The following SPAG17 variants were observed in gnomAD, a reference collection of about 807,000 sequenced individuals.
SPAG17 encodes the protein sperm associated antigen 17, also known as sperm-associated antigen 17.
Under a neutral mutation model 273.6 loss-of-function variants are expected in SPAG17, and 169 were observed. The observed-to-expected ratio is 0.62, with a 90% CI of 0.55 to 0.70. SPAG17 has a LOEUF of 0.70. Among genes scored for constraint, SPAG17 ranks in the 30% least tolerant of loss-of-function variants. The pLI is 0.00. For synonymous variants in SPAG17, 825 were observed against 873.2 expected, an observed-to-expected ratio of 0.94 and a Z score of 0.97; for missense variants, 2,557 against 2,627.8, an observed-to-expected ratio of 0.97 and a Z score of 0.59.
chr1:118,092,352 G>A (rs963413214), intron 8 of SPAG17, among the ~76,000 whole-genome samples: 1 of 152,058 alleles, frequency 6.6e-6, no homozygotes. Flanking sequence ...GTTCTCCATT[G>A]CCTACATGAT....
rs1262297381 is a variant in SPAG17, at chr1:118,133,914, C to G, written c.315+16629G>C. 2.6e-5 allele frequency among the ~76,000 whole-genome samples: 4 copies of G among 152,304 alleles called. No homozygotes were observed. The East Asian group carries it at 7.7e-4, about 29-fold the overall frequency. On this transcript the variant is annotated intron_variant, in intron 3 of 48. Coordinates refer to ENST00000336338, the MANE Select transcript of SPAG17 (RefSeq NM_206996.4). ...AAAACAAAATTACACCATCATTTCA[C>G]TTTAAAGAATTCCATACTCACAAAA...
At chr1:118,032,276 A>C (rs1648564687) in intron 24 of SPAG17, among the ~76,000 whole-genome samples, 1 of 152,230 alleles carries the variant, frequency 6.6e-6, no homozygotes, top group Non-Finnish European at 1.5e-5. Context: ...AATAGTCTAA[A>C]TAAGATCTGT....
Position 118,055,844 on chromosome 1 carries a change from A to G in SPAG17, c.2611T>C (p.Ser871Pro). Residue 871 changes from serine (S) to proline (P), a missense_variant, in exon 19 of 49, where the codon TCT becomes CCT. Physicochemically the swap from Ser to Pro is moderately conservative, Grantham distance 74. Transcript: ENST00000336338. ...CTGATGATTTTCTCATTCATTTTAG[A>G]TTCCTGATATATAGCTTCTTCTTTT... The part of the protein sequence containing the change: ...ITKEEAIYQE[S>P]KMNEKIIRTR... The G allele has an allele frequency of 1.2e-6, 2 of 1,612,956 alleles. No individual in the cohort carries two copies. Among genetic ancestry groups the G allele is most frequent in the East Asian group, 2.2e-5 (1 of 44,764 alleles).
intron 3 of SPAG17, among the ~76,000 whole-genome samples, chr1:118,133,173 A>G (rs1658149904): frequency 6.6e-6 from 1 of 152,174 alleles, no homozygotes; most frequent in Admixed American, 6.5e-5. Flanking sequence ...TCCTCCAGCA[A>G]CTAGAACAGT....
intron 13 of SPAG17, among the ~76,000 whole-genome samples, chr1:118,084,783 C>T (rs981036795): frequency 7.9e-5 from 12 of 152,198 alleles, no homozygotes; most frequent in African/African-American, 2.9e-4. Context: ...TTGTGTTCTA[C>T]TGGGTATCCA....
intron 2 of SPAG17, 151 bp from the exon 3 acceptor site, chr1:118,150,780 A>C: frequency 1.8e-6 from 1 of 542,082 alleles, no homozygotes. Flanking sequence ...ATTTATAGTT[A>C]CTTCGTAAGC....
intron 48 of SPAG17, chr1:117,956,985 T>C: frequency 4.8e-6 from 6 of 1,248,466 alleles, no homozygotes; most frequent in Non-Finnish European, 6.5e-6. Flanking sequence ...GTAGAAAAAA[T>C]AATAAAGGGA....
intron 24 of SPAG17, among the ~76,000 whole-genome samples, chr1:118,034,441 G>A (rs1648832959): frequency 6.6e-6 from 1 of 152,150 alleles, no homozygotes; most frequent in Non-Finnish European, 1.5e-5. Flanking sequence ...GCTATTCCTG[G>A]TAGCTAGAAT....
At position 118,058,553 on chromosome 1, in the gene SPAG17, A is replaced by G. The variant is rs1651947421; in HGVS notation, c.2541-2639T>C. ...TGTACATACAAACGAAATTATGCAG[A>G]AAGATAGAAGTGTGGCAGATGGCAG... On this transcript the variant is annotated intron_variant, in intron 18 of 48. Transcript: ENST00000336338. Among the ~76,000 whole-genome samples, 4 of 152,330 alleles carry G rather than the reference A, an allele frequency of 2.6e-5. No homozygotes were observed. In the South Asian group the frequency reaches 8.3e-4, roughly 32 times the overall value.
intron 17 of SPAG17, among the ~76,000 whole-genome samples, chr1:118,069,538 C>T (rs1653357028): frequency 6.6e-6 from 1 of 151,826 alleles, no homozygotes; most frequent in African/African-American, 2.4e-5. Context: ...GGAAGAAATG[C>T]TTAGGTGGGA....
chr1:118,081,373 A>C (rs1557997361), intron 14 of SPAG17, 42 bp downstream of exon 14: 2 of 1,612,240 alleles, frequency 1.2e-6, no homozygotes. Context: ...ATTGACGATC[A>C]TAAAATACAA....
At chr1:118,106,079 C>A (rs554605586) in intron 4 of SPAG17, among the ~76,000 whole-genome samples, 1 of 152,216 alleles carries the variant, frequency 6.6e-6, no homozygotes, top group African/African-American at 2.4e-5. Context: ...TGACAGTTTG[C>A]CTTCCTATGT....
chr1:118,151,580 C>G (rs1405165366), intron 1 of SPAG17, among the ~76,000 whole-genome samples: 1 of 152,202 alleles, frequency 6.6e-6, no homozygotes, highest in Non-Finnish European at 1.5e-5. Context: ...AAACAATTTT[C>G]TGGAGAAACT....
At chr1:118,035,342 C>A (rs903624987) in intron 24 of SPAG17, among the ~76,000 whole-genome samples, 10 of 152,166 alleles carry the variant, frequency 6.6e-5, no homozygotes, top group Non-Finnish European at 1.5e-4. Context: ...GGAGTAGGAG[C>A]AACAGAATTG....
At chr1:118,036,624 A>C (rs1474303384) in intron 24 of SPAG17, 146 bp downstream of exon 24, 4 of 609,182 alleles carry the variant, frequency 6.6e-6, no homozygotes, top group South Asian at 4.0e-5. Flanking sequence ...ACACACACAC[A>C]CCTCTTCTAT....
chr1:118,052,960 G>A (rs924265245), intron 20 of SPAG17, among the ~76,000 whole-genome samples: 5 of 151,904 alleles, frequency 3.3e-5, no homozygotes, highest in Non-Finnish European at 7.4e-5. Flanking sequence ...ATGCAGTTAG[G>A]ATGGAGTAAA....
intron 13 of SPAG17, among the ~76,000 whole-genome samples, chr1:118,084,437 G>A (rs572715195): frequency 5.3e-5 from 8 of 152,266 alleles, no homozygotes; most frequent in African/African-American, 1.9e-4. Flanking sequence ...CTTTCTTATA[G>A]GTAGTATCTA....
chr1:118,090,900 TAACA>T (rs1269165050), intron 10 of SPAG17, among the ~76,000 whole-genome samples: 1 of 151,454 alleles, frequency 6.6e-6, no homozygotes, highest in Non-Finnish European at 1.5e-5. Flanking sequence ...ATTAAATAAA[TAACA>T]AATATATAAA....
chr1:118,119,721 C>T (rs1657308621), intron 3 of SPAG17, among the ~76,000 whole-genome samples: 1 of 152,286 alleles, frequency 6.6e-6, no homozygotes, highest in Non-Finnish European at 1.5e-5. Context: ...TTTCAGCACA[C>T]ATTCTTTTGG....
Sources: allele counts gnomAD v4.1 joint callset (sites outside exome capture counted in the v4.1 genomes callset), GRCh38; gene constraint gnomAD v4.1.1; transcripts MANE v1.5; gene names NCBI Gene and HGNC (gene_info 2026-07-23, HGNC 2026-07-21).